The following CYP4F3 variants were observed in gnomAD, a reference collection of about 807,000 sequenced individuals.
CYP4F3 encodes the protein cytochrome P450 family 4 subfamily F member 3.
In CYP4F3, 50 loss-of-function variants were observed where a neutral mutation model predicts 54.8. That is an observed-to-expected ratio of 0.91 (90% CI 0.73 to 1.16). The LOEUF (loss-of-function observed/expected upper bound fraction) is 1.16. Ranked by LOEUF, CYP4F3 falls within the 50% of genes most tolerant of loss-of-function variation. The pLI is 0.00. For missense variants in CYP4F3, 715 were observed against 676.2 expected (o/e 1.06, Z -0.64); for synonymous variants, 244 against 262.6 (o/e 0.93, Z 0.69).
At chr19:15,646,910 T>C (rs1972642043) in intron 3 of CYP4F3, 142 bp from the exon 4 acceptor site, 1 of 1,242,552 alleles carries the variant, frequency 8.0e-7, no homozygotes, top group South Asian at 1.5e-5. Context: ...CATCCTGCCT[T>C]CTTCCTCTCC....
chr19:15,641,535 C>T lies in CYP4F3; in HGVS notation c.120C>T (p.Thr40=). ...LLARILAWTY[T]FYDNCCRLRC... ...CCCGCATCCTGGCCTGGACCTATAC[C>T]TTCTATGACAACTGCTGCCGCCTCC... Residue 40 remains threonine, a synonymous_variant, in exon 2 of 13, where the codon ACC becomes ACT. Transcript: ENST00000221307. 1.2e-6 allele frequency: 2 copies of T among 1,614,192 alleles called. No homozygotes were observed. Among genetic ancestry groups the T allele is most frequent in the Non-Finnish European group, 8.5e-7 (1 of 1,180,022 alleles).
chr19:15,643,834 A>T lies in CYP4F3; in HGVS notation c.199-1885A>T, dbSNP rs955484035. On this transcript the variant is annotated intron_variant, in intron 2 of 12. Coordinates refer to ENST00000221307, the MANE Select transcript of CYP4F3 (RefSeq NM_000896.3). ...CAGACGGATGATCAACTATCTGGGC[A>T]TCCTTTAGCCCAGTCAAGTGGACAC... The T allele has an allele frequency of 7.9e-6, 11 of 1,400,378 alleles. No individual in the cohort carries two copies. In the African/African-American group the frequency reaches 1.2e-4, roughly 15 times the overall value. 86.7% of individuals were successfully genotyped at this position (1,400,378 alleles called of 1,614,324 possible).
chr19:15,653,233 ACT>A (rs1166929417), intron 9 of CYP4F3, among the ~76,000 whole-genome samples: 2 of 151,668 alleles, frequency 1.3e-5, no homozygotes, highest in African/African-American at 2.4e-5. Flanking sequence ...CTTCCCCTCC[ACT>A]CTCTTCCTTT....
Position 15,652,637 on chromosome 19 carries a change from T to G in CYP4F3, c.985+2T>G. On this transcript the variant is annotated splice_donor_variant, in intron 8 of 12. Transcript: ENST00000221307. LOFTEE classifies it high-confidence loss of function. ...AAGCTGACACCTTTATGTTTGAGGG[T>G]GAGGGCCCCAGTGTGGGGCTAGAGT... 6.2e-7 allele frequency: 1 copy of G among 1,614,000 alleles called. No homozygotes were observed. Among genetic ancestry groups the G allele is most frequent in the East Asian group, 2.2e-5 (1 of 44,874 alleles).
chr19:15,650,808 C>CTCTTTCTTTCTTTCTT (rs754901864), intron 7 of CYP4F3, among the ~76,000 whole-genome samples: 2 of 12,940 alleles, frequency 1.5e-4, no homozygotes, highest in Non-Finnish European at 2.4e-4. Context: ...TCTCTCTCTT[C>CTCTTTCTTTCTTTCTT]TCTTTCTTTC....
chr19:15,656,524 T>TGTATCTATCTATCTATC (rs60912344), intron 9 of CYP4F3, among the ~76,000 whole-genome samples: 3,448 of 70,600 alleles, frequency 0.049, 81 homozygotes, highest in African/African-American at 0.088. Flanking sequence ...TATCTATCTA[T>TGTATCTATCTATCTATC]TTCTATCATC....
chr19:15,661,603 G>A lies in CYP4F3; in HGVS notation c.*2218G>A, dbSNP rs535650048. The A allele has an allele frequency of 1.3e-5, 2 of 152,144 alleles. No individual in the cohort carries two copies. The highest frequency in any genetic ancestry group is 6.6e-5 in the Admixed American group (1 of 15,258). The allele number at this position is 152,144 out of a possible 1,614,324, so 9.4% of individuals were successfully genotyped here. ...TCATCTGCTCATTAAATTTTCCTTCGGTTGTTTGCCTTCTTATTGTTGGAT... is the reference window on the plus strand; with the variant it reads ...TCATCTGCTCATTAAATTTTCCTTCAGTTGTTTGCCTTCTTATTGTTGGAT... On this transcript the variant is annotated 3_prime_UTR_variant, in exon 13 of 13. Coordinates refer to ENST00000221307, the MANE Select transcript of CYP4F3 (RefSeq NM_000896.3).
intron 7 of CYP4F3, among the ~76,000 whole-genome samples, chr19:15,650,807 TC>T (rs373285443): frequency 0.022 from 432 of 19,540 alleles, 92 homozygotes; most frequent in East Asian, 0.12. Context: ...TTCTCTCTCT[TC>T]TCTTTCTTTC....
At chr19:15,657,735 G>A (rs1599914863) in intron 9 of CYP4F3, among the ~76,000 whole-genome samples, 1 of 152,080 alleles carries the variant, frequency 6.6e-6, no homozygotes, top group African/African-American at 2.4e-5. Context: ...GTAAGAGTGA[G>A]GCTGAACATC....
At chr19:15,642,680 G>A (rs964235252) in intron 2 of CYP4F3, among the ~76,000 whole-genome samples, 3 of 152,214 alleles carry the variant, frequency 2.0e-5, no homozygotes, top group South Asian at 2.1e-4. Context: ...CTTGGGATGC[G>A]CTCTTGGGAC....
At chr19:15,656,747 T>TCTATCTAC (rs1166266693) in intron 9 of CYP4F3, among the ~76,000 whole-genome samples, 2 of 96,186 alleles carry the variant, frequency 2.1e-5, no homozygotes, top group Non-Finnish European at 4.1e-5. Context: ...TATCTATCTA[T>TCTATCTAC]CTATCTATCT....
chr19:15,651,250 C>T (rs935730244), intron 7 of CYP4F3, among the ~76,000 whole-genome samples: 3 of 139,690 alleles, frequency 2.1e-5, no homozygotes, highest in Non-Finnish European at 4.8e-5. Context: ...GTCTATGTGT[C>T]TGTGTCTATG....
At chr19:15,653,112 G>A (rs746672683) in intron 9 of CYP4F3, among the ~76,000 whole-genome samples, 160 bp downstream of exon 9, 3 of 152,148 alleles carry the variant, frequency 2.0e-5, no homozygotes, top group African/African-American at 2.4e-5. Context: ...CATCCTGACT[G>A]TCTGGGCAAA....
At chr19:15,645,395 G>A (rs1041420241) in intron 2 of CYP4F3, among the ~76,000 whole-genome samples, 7 of 152,206 alleles carry the variant, frequency 4.6e-5, no homozygotes, top group African/African-American at 1.7e-4. Context: ...CAGGCCTCAG[G>A]TTTGCCATGG....
At chr19:15,644,115 C>T (rs1599879884) in intron 2 of CYP4F3, 8 of 1,458,272 alleles carry the variant, frequency 5.5e-6, no homozygotes, top group Non-Finnish European at 7.2e-6. Context: ...GTCCCTCTAT[C>T]CCCAAGCCGT....
chr19:15,652,966 C>G lies in CYP4F3; in HGVS notation c.1115+14C>G. The G allele has an allele frequency of 6.3e-7, 1 of 1,593,198 alleles. No homozygotes were observed. Among genetic ancestry groups the G allele is most frequent in the Non-Finnish European group, 8.5e-7 (1 of 1,170,116 alleles). The stretch of plus-strand genomic sequence containing the variant: ...AGAGATTGAATGGTGAGTGCAGGTG[C>G]TGGTGCCCTGTTCCTGAGCCTGTCT... On this transcript the variant is annotated intron_variant, in intron 9 of 12. Transcript: ENST00000221307.
chr19:15,650,323 A>G (rs1179141642), intron 7 of CYP4F3, 140 bp downstream of exon 7: 1 of 1,533,174 alleles, frequency 6.5e-7, no homozygotes, highest in Admixed American at 1.9e-5. Context: ...GGTCAGAGAT[A>G]GGTTTTGGAG....
chr19:15,657,941 A>C (rs991552028), intron 9 of CYP4F3, among the ~76,000 whole-genome samples: 2 of 152,088 alleles, frequency 1.3e-5, no homozygotes, highest in Non-Finnish European at 2.9e-5. Flanking sequence ...TATGACGTTA[A>C]GTAGGTCCAC....
rs771500879 is a variant in CYP4F3 at position 15,647,233 on chromosome 19, G to A, written c.434G>A (p.Ser145Asn). Reference protein sequence around the residue: ...GLLLSAGEKWSRHRRMLTPAF... With the variant: ...GLLLSAGEKWNRHRRMLTPAF... ...CTGCTGAGTGCTGGTGAAAAGTGGA[G>A]CCGCCACCGTCGGATGCTGACGCCT... The change falls in exon 5 of 13, where the codon AGC becomes AAC. Residue 145 changes from serine (S) to asparagine (N), a missense_variant. Transcript: ENST00000221307. 5.6e-6 allele frequency: 9 copies of A among 1,614,130 alleles called. No homozygotes were observed. The African/African-American group carries it at 9.3e-5, about 17-fold the overall frequency.
Sources: gnomAD v4.1 joint callset for allele counts (sites outside exome capture counted in the v4.1 genomes callset) on GRCh38, gnomAD v4.1.1 for gene constraint, MANE v1.5 for transcripts, NCBI Gene and HGNC (gene_info 2026-07-23, HGNC 2026-07-21) for gene names.